Variants in GRIK2 observed in about 807,000 individuals in gnomAD.
GRIK2 encodes the protein glutamate ionotropic receptor kainate type subunit 2, also known as glutamate receptor ionotropic, kainate 2.
Under a neutral mutation model 100.3 loss-of-function variants are expected in GRIK2, and 32 were observed. The observed-to-expected ratio is 0.32, with a 90% confidence interval of 0.24 to 0.43. The LOEUF is 0.43. Among genes scored for constraint, GRIK2 ranks in the 20% least tolerant of loss-of-function variants. The pLI, the probability that GRIK2 is intolerant of heterozygous loss-of-function variation, is 1.00. For missense variants in GRIK2, 843 were observed against 1,114.9 expected (o/e 0.76, Z 3.47); for synonymous variants, 417 against 389.4 (o/e 1.07, Z -0.83).
intron 14 of GRIK2, among the ~76,000 whole-genome samples, chr6:101,984,395 G>A (rs1793894746): frequency 6.6e-6 from 1 of 151,450 alleles, no homozygotes. Context: ...TGTCTGACAA[G>A]GAAAGAATTG....
At chr6:101,801,634 C>CT (rs1780676455) in intron 8 of GRIK2, among the ~76,000 whole-genome samples, 1 of 151,682 alleles carries the variant, frequency 6.6e-6, no homozygotes, top group African/African-American at 2.4e-5. Flanking sequence ...AAGCTATTTC[C>CT]AAATGACAAA....
chr6:101,682,662 A>G, intron 6 of GRIK2, 56 bp downstream of exon 6: 2 of 780,818 alleles, frequency 2.6e-6, no homozygotes, highest in Non-Finnish European at 4.3e-6. Flanking sequence ...ACTTTTTCAG[A>G]TGAAAAATAG....
chr6:101,915,962 T>C (rs1562485278), intron 12 of GRIK2, among the ~76,000 whole-genome samples: 2 of 151,494 alleles, frequency 1.3e-5, no homozygotes, highest in Non-Finnish European at 3.0e-5. Context: ...TTGCTGGGGC[T>C]CTTGCTTTTA....
chr6:101,549,399 T>G (rs1239161425), intron 2 of GRIK2, among the ~76,000 whole-genome samples: 1 of 152,024 alleles, frequency 6.6e-6, no homozygotes, highest in Non-Finnish European at 1.5e-5. Context: ...GCAGGTGGTT[T>G]TATGTTAGTT....
intron 8 of GRIK2, among the ~76,000 whole-genome samples, chr6:101,801,896 A>G (rs979819514): frequency 6.6e-6 from 1 of 151,888 alleles, no homozygotes; most frequent in Non-Finnish European, 1.5e-5. Flanking sequence ...TCCTGGATTC[A>G]GTTTCTCTTA....
intron 2 of GRIK2, among the ~76,000 whole-genome samples, chr6:101,520,857 G>C (rs1218152425): frequency 6.6e-6 from 1 of 151,980 alleles, no homozygotes; most frequent in East Asian, 1.9e-4. Flanking sequence ...AGAGAAAAAA[G>C]TCAATTTTAT....
At chr6:101,503,335 C>A (rs966008439) in intron 2 of GRIK2, among the ~76,000 whole-genome samples, 2 of 151,952 alleles carry the variant, frequency 1.3e-5, no homozygotes, top group African/African-American at 4.8e-5. Context: ...TACTCCTTTT[C>A]AAGACATTTG....
intron 7 of GRIK2, among the ~76,000 whole-genome samples, chr6:101,717,157 T>G (rs1388802940): frequency 2.0e-5 from 3 of 151,736 alleles, no homozygotes; most frequent in Non-Finnish European, 4.4e-5. Context: ...GTGTTTCTGG[T>G]TTAGCAAGCC....
intron 2 of GRIK2, among the ~76,000 whole-genome samples, chr6:101,439,127 C>T (rs115711094): frequency 2.6e-5 from 4 of 152,212 alleles, no homozygotes; most frequent in African/African-American, 7.2e-5. Context: ...CTGTCTGGTG[C>T]GCTGAGTATT....
chr6:101,676,592 ATTC>A, intron 4 of GRIK2, 28 bp from the exon 5 acceptor site: 3 of 1,293,968 alleles, frequency 2.3e-6, no homozygotes, highest in Non-Finnish European at 3.2e-6. Context: ...TATCTCTAAT[ATTC>A]TTTTTTTTTT....
At chr6:101,751,431 G>C (rs999287141) in intron 7 of GRIK2, among the ~76,000 whole-genome samples, 2 of 151,648 alleles carry the variant, frequency 1.3e-5, no homozygotes, top group South Asian at 4.2e-4. Flanking sequence ...TAGTAAATCC[G>C]AGACATCACA....
chr6:102,031,373 A>C (rs1389324762), intron 14 of GRIK2, among the ~76,000 whole-genome samples: 1 of 151,212 alleles, frequency 6.6e-6, no homozygotes, highest in Admixed American at 6.6e-5. Context: ...TATTTATGAA[A>C]CCTGGACCCT....
chr6:101,898,660 A>G (rs1265916249), intron 12 of GRIK2, among the ~76,000 whole-genome samples: 8 of 151,640 alleles, frequency 5.3e-5, no homozygotes, highest in African/African-American at 1.7e-4. Flanking sequence ...CCTGAAAATT[A>G]TTAGCTACGT....
chr6:101,997,180 G>A (rs1794696320), intron 14 of GRIK2, among the ~76,000 whole-genome samples: 1 of 151,834 alleles, frequency 6.6e-6, no homozygotes, highest in African/African-American at 2.4e-5. Context: ...TTTATTTATA[G>A]GTATAGTGAG....
At chr6:101,651,474 G>A (rs150497050) in intron 4 of GRIK2, among the ~76,000 whole-genome samples, 2 of 152,182 alleles carry the variant, frequency 1.3e-5, no homozygotes, top group African/African-American at 4.8e-5. Flanking sequence ...GGGAGACAGA[G>A]AATAAGAAAT....
rs1582959553 is a variant in GRIK2 at position 101,686,430 on chromosome 6, G to A, written c.951+77G>A. 3 of 1,022,122 alleles carry A rather than the reference G, an allele frequency of 2.9e-6. No individual in the cohort carries two copies. In the Admixed American group the frequency reaches 6.4e-5, roughly 22 times the overall value. The allele number at this position is 1,022,122 out of a possible 1,614,324, so 63.3% of individuals were successfully genotyped here. On this transcript the variant is annotated intron_variant, in intron 7 of 16. Coordinates refer to ENST00000369134, the MANE Select transcript of GRIK2 (RefSeq NM_021956.5). Reference sequence around the variant, plus strand: ...TACATATGAACTTCTGGGTTTATATGCATACATATAAACTTCAGTTTAATT... The same window carrying A: ...TACATATGAACTTCTGGGTTTATATACATACATATAAACTTCAGTTTAATT...
At chr6:101,634,680 C>T (rs1306812357) in intron 4 of GRIK2, among the ~76,000 whole-genome samples, 2 of 151,760 alleles carry the variant, frequency 1.3e-5, no homozygotes, top group Non-Finnish European at 2.9e-5. Flanking sequence ...ATGAGAAGAG[C>T]TTACAGACAG....
chr6:101,944,125 C>T (rs1398600344), intron 14 of GRIK2, among the ~76,000 whole-genome samples: 7 of 152,040 alleles, frequency 4.6e-5, no homozygotes. Context: ...GGCACCTACC[C>T]CTTCTCTCTC....
intron 2 of GRIK2, among the ~76,000 whole-genome samples, chr6:101,605,030 C>T (rs562427014): frequency 6.6e-6 from 1 of 152,024 alleles, no homozygotes; most frequent in South Asian, 2.1e-4. Context: ...AATTTTGACA[C>T]CTATCTTTTG....
Sources: allele counts gnomAD v4.1 joint callset (sites outside exome capture counted in the v4.1 genomes callset), GRCh38; gene constraint gnomAD v4.1.1; transcripts MANE v1.5; gene names NCBI Gene and HGNC (gene_info 2026-07-23, HGNC 2026-07-21).